The following CARF variants were observed in gnomAD, a reference collection of about 807,000 sequenced individuals.
CARF encodes the protein calcium responsive transcription factor, also known as calcium-responsive transcription factor.
Under a neutral mutation model 82.0 loss-of-function variants are expected in CARF, and 57 were observed. The ratio of observed to expected loss-of-function variants is 0.70; its 90% CI spans 0.56 to 0.87. CARF has a LOEUF of 0.87. Ranked by LOEUF, CARF falls within the 40% of genes least tolerant of loss-of-function variation. The pLI is 0.00. For synonymous variants in CARF, 268 were observed against 290.1 expected (o/e 0.92, Z 0.77); for missense variants, 771 against 855.8 (o/e 0.90, Z 1.24).
At chr2:202,926,699 T>C (rs900768056) in intron 3 of CARF, among the ~76,000 whole-genome samples, 1 of 152,268 alleles carries the variant, frequency 6.6e-6, no homozygotes, top group Non-Finnish European at 1.5e-5. Flanking sequence ...TAATATCTTA[T>C]TGAGTCTTCC....
chr2:202,979,966 T>C (rs1362716553), intron 14 of CARF, among the ~76,000 whole-genome samples: 1 of 152,188 alleles, frequency 6.6e-6, no homozygotes, highest in South Asian at 2.1e-4. Flanking sequence ...AGGTTTTCTC[T>C]TTCTGTTTTG....
intron 3 of CARF, among the ~76,000 whole-genome samples, chr2:202,931,531 C>CTT (rs915167096): frequency 1.3e-5 from 2 of 152,146 alleles, no homozygotes; most frequent in Admixed American, 6.5e-5. Flanking sequence ...GTCATACTTC[C>CTT]TTGTGTTTCT....
intron 5 of CARF, among the ~76,000 whole-genome samples, chr2:202,951,331 C>T (rs2058745405): frequency 6.6e-6 from 1 of 152,150 alleles, no homozygotes; most frequent in Admixed American, 6.5e-5. Flanking sequence ...TGTATCTGGC[C>T]TCAAGTAACT....
chr2:202,980,646 A>T (rs1172834166), intron 14 of CARF, among the ~76,000 whole-genome samples: 3 of 92,210 alleles, frequency 3.3e-5, no homozygotes, highest in Non-Finnish European at 7.2e-5. Flanking sequence ...ATATATATAT[A>T]TATATATATA....
At chr2:202,966,165 A>G (rs982523745) in intron 9 of CARF, among the ~76,000 whole-genome samples, 2 of 152,156 alleles carry the variant, frequency 1.3e-5, no homozygotes, top group Non-Finnish European at 2.9e-5. Flanking sequence ...ATCAAAAATT[A>G]CTTCCTACCA....
In CARF at chr2:202,982,127, C is replaced by G; in HGVS notation, c.1745C>G (p.Ser582Ter). Residue 582 changes from serine to a stop codon, truncating the protein, a stop_gained, in exon 16 of 17, where the codon TCA (serine) becomes TGA (stop). Coordinates refer to ENST00000438828, the MANE Select transcript of CARF (RefSeq NM_024744.17). LOFTEE classifies it high-confidence loss of function. ...CCTGATGAATCACCAGCTGTGGTAT[C>G]AGTAAATAACCAGCCGTCCTCTAGT... is the stretch of plus-strand genomic sequence containing the variant. ...TSPDESPAVVSVNNQPSSSPS... is the reference protein window; with the variant it reads ...TSPDESPAVV The G allele has an allele frequency of 6.2e-7, 1 of 1,614,096 alleles. No homozygotes were observed. Among genetic ancestry groups the G allele is most frequent in the East Asian group, 2.2e-5 (1 of 44,870 alleles).
chr2:202,947,461 C>T (rs984753320), intron 5 of CARF, among the ~76,000 whole-genome samples: 14 of 152,090 alleles, frequency 9.2e-5, no homozygotes, highest in Non-Finnish European at 1.9e-4. Flanking sequence ...GAACATCATA[C>T]ACCAGGGCCT....
chr2:202,969,688 A>G (rs929136348), intron 10 of CARF, among the ~76,000 whole-genome samples: 1 of 152,146 alleles, frequency 6.6e-6, no homozygotes, highest in African/African-American at 2.4e-5. Context: ...CGGGAAAAAA[A>G]TAGTAAAATC....
rs763803777 is a variant in CARF at position 202,955,809 on chromosome 2, A to G, written c.642+51A>G. ...GAATTACTTAACTGATTATAACCAC[A>G]GGTCATCCCCAAATGCCACTTTTGA... On this transcript the variant is annotated intron_variant, in intron 8 of 16. Coordinates refer to ENST00000438828, the MANE Select transcript of CARF (RefSeq NM_024744.17). The G allele has an allele frequency of 1.3e-5, 18 of 1,403,942 alleles. No individual in the cohort carries two copies. The South Asian group carries it at 2.2e-4, about 17-fold the overall frequency. 87.0% of individuals were successfully genotyped at this position (1,403,942 alleles called of 1,614,324 possible).
At position 202,986,939 on chromosome 2, in the gene CARF, T is replaced by C. The variant is rs532523101; in HGVS notation, c.*3315T>C. On this transcript the variant is annotated 3_prime_UTR_variant, in exon 17 of 17. Coordinates refer to ENST00000438828, the MANE Select transcript of CARF (RefSeq NM_024744.17). ...TTGATGTATAGTGTCCTTGTTACCA[T>C]GTATTTTTTTCATTAAAAATCCTGC... 7.6e-6 allele frequency: 1 copy of C among 130,864 alleles called. No individual in the cohort carries two copies. Among genetic ancestry groups the C allele is most frequent in the South Asian group, 2.6e-4 (1 of 3,858 alleles). The allele number at this position is 130,864 out of a possible 1,614,324, so 8.1% of individuals were successfully genotyped here.
chr2:202,982,581 G>A, intron 16 of CARF, 140 bp downstream of exon 16: 4 of 847,826 alleles, frequency 4.7e-6, no homozygotes, highest in South Asian at 2.1e-5. Context: ...TGAGAGAGAA[G>A]GAGGAGATTT....
At chr2:202,951,453 G>A (rs1400651899) in intron 5 of CARF, among the ~76,000 whole-genome samples, 1 of 152,122 alleles carries the variant, frequency 6.6e-6, no homozygotes, top group Non-Finnish European at 1.5e-5. Context: ...ATTGTTACCT[G>A]CACTAAAGAG....
intron 8 of CARF, among the ~76,000 whole-genome samples, chr2:202,957,184 G>A (rs2059095200): frequency 6.6e-6 from 1 of 152,054 alleles, no homozygotes; most frequent in African/African-American, 2.4e-5. Flanking sequence ...TTGATTACAG[G>A]AATAGCCTGC....
intron 3 of CARF, among the ~76,000 whole-genome samples, chr2:202,936,219 C>T (rs1349330519): frequency 6.6e-6 from 1 of 152,130 alleles, no homozygotes; most frequent in African/African-American, 2.4e-5. Flanking sequence ...TATTTTCCTG[C>T]TTGTGTATAC....
chr2:202,973,162 G>C (rs990342910), intron 12 of CARF, among the ~76,000 whole-genome samples: 2 of 152,128 alleles, frequency 1.3e-5, no homozygotes, highest in Non-Finnish European at 2.9e-5. Context: ...GATGTTAACT[G>C]AGAGCTTACT....
At chr2:202,931,545 T>C (rs1692941889) in intron 3 of CARF, among the ~76,000 whole-genome samples, 1 of 152,210 alleles carries the variant, frequency 6.6e-6, no homozygotes, top group African/African-American at 2.4e-5. Flanking sequence ...TGTTTCTGTG[T>C]CAATGTCTGT....
chr2:202,961,506 A>G (rs775980024), intron 9 of CARF, 80 bp downstream of exon 9: 1 of 1,274,694 alleles, frequency 7.8e-7, no homozygotes, highest in South Asian at 1.3e-5. Flanking sequence ...CTAAGGTGAT[A>G]ACATTTTTAT....
chr2:202,915,126 C>T (rs1302193837), intron 1 of CARF, among the ~76,000 whole-genome samples: 1 of 151,550 alleles, frequency 6.6e-6, no homozygotes, highest in Non-Finnish European at 1.5e-5. Flanking sequence ...AAGCGATTCT[C>T]CTGCCTCAGC....
intron 5 of CARF, among the ~76,000 whole-genome samples, chr2:202,948,877 T>C (rs1334346496): frequency 2.0e-5 from 3 of 152,180 alleles, no homozygotes; most frequent in African/African-American, 7.2e-5. Flanking sequence ...GGACTTCCAA[T>C]ACTATGTTGA....
Sources: allele counts gnomAD v4.1 joint callset (sites outside exome capture counted in the v4.1 genomes callset), GRCh38; gene constraint gnomAD v4.1.1; transcripts MANE v1.5; gene names NCBI Gene and HGNC (gene_info 2026-07-23, HGNC 2026-07-21).